The following ZNF287 variants were observed in gnomAD, a reference collection of about 807,000 sequenced individuals.
The protein encoded by ZNF287 is zinc finger protein 287.
ZNF287 carries 31 observed loss-of-function variants against 73.7 expected under a neutral mutation model. That is an observed-to-expected ratio of 0.42 (90% CI 0.32 to 0.57). The LOEUF is 0.57. ZNF287 is among the 20% of genes least tolerant of loss of function. ZNF287 has a pLI of 0.13. For missense variants in ZNF287, 641 were observed against 909.3 expected (o/e 0.70, Z 3.79); for synonymous variants, 301 against 307.2 (o/e 0.98, Z 0.21).
In ZNF287 at chr17:16,552,500, T is replaced by C; in HGVS notation, c.1642A>G (p.Ser548Gly). 1 of 1,614,158 alleles carries C rather than the reference T, an allele frequency of 6.2e-7. No homozygotes were observed. Among genetic ancestry groups the C allele is most frequent in the Non-Finnish European group, 8.5e-7 (1 of 1,180,014 alleles). Residue 548 changes from serine (S) to glycine (G), a missense_variant, in exon 6 of 6, where the codon AGT (serine) becomes GGT (glycine). By Grantham distance (56) the Ser-to-Gly change is moderately conservative. Around this residue, in one of 2 missense-constraint regions of ZNF287, gnomAD observed 284 missense variants for 466.8 expected, o/e 0.61. Transcript: ENST00000395825. This position sits in a 1 kb window ranked among gnomAD's most constrained non-coding sequence, Gnocchi z 6.5. Reference protein sequence around the residue: ...CNECWKVFSQSTYLIRHQRIH... With the variant: ...CNECWKVFSQGTYLIRHQRIH... ...CTCTGATGTCGAATAAGGTAAGTAC[T>C]CTGACTAAACACTTTCCAACATTCA...
intron 5 of ZNF287, among the ~76,000 whole-genome samples, chr17:16,556,884 G>C (rs554657219): frequency 4.0e-4 from 60 of 150,162 alleles, no homozygotes; most frequent in Non-Finnish European, 7.7e-4. Context: ...TTTCGCTTTT[G>C]TTGCCCAGGC....
At chr17:16,561,439 G>A (rs186015358) in intron 5 of ZNF287, among the ~76,000 whole-genome samples, 1 of 152,238 alleles carries the variant, frequency 6.6e-6, no homozygotes, top group African/African-American at 2.4e-5. Context: ...TGACCTCAAA[G>A]TATCACTCCA....
chr17:16,567,063 A>C (rs28375510), intron 2 of ZNF287, among the ~76,000 whole-genome samples: 12,018 of 152,190 alleles, frequency 0.079, 1,617 homozygotes, highest in African/African-American at 0.27. Context: ...TCTGGTCATT[A>C]TTTCAAGACG....
chr17:16,563,952 G>C, intron 3 of ZNF287, 127 bp from the exon 4 acceptor site: 4 of 1,134,496 alleles, frequency 3.5e-6, no homozygotes, highest in Non-Finnish European at 4.8e-6. Flanking sequence ...CCTAGAAGTT[G>C]TCTAGTCAAA....
In ZNF287 at chr17:16,552,291, C is replaced by T. The variant is rs1906725330; in HGVS notation, c.1851G>A (p.Glu617=). The T allele has an allele frequency of 1.2e-6, 2 of 1,613,802 alleles. No homozygotes were observed. Among genetic ancestry groups the T allele is most frequent in the Non-Finnish European group, 1.7e-6 (2 of 1,179,978 alleles). ...LTQHHRTHTG[E]KPYKCSVCGK... ...CACACACACTGCATTTATATGGTTT[C>T]TCTCCAGTATGTGTTCTATGATGTT... Residue 617 remains glutamate (E), a synonymous_variant, in exon 6 of 6, where the codon GAG becomes GAA. Transcript: ENST00000395825. This position sits in a 1 kb window ranked among gnomAD's most constrained non-coding sequence, Gnocchi z 6.5.
chr17:16,551,685 A>C lies in ZNF287; in HGVS notation c.*171T>G. 3.3e-6 allele frequency: 2 copies of C among 602,690 alleles called. No individual in the cohort carries two copies. Among genetic ancestry groups the C allele is most frequent in the Non-Finnish European group, 5.3e-6 (2 of 374,948 alleles). 37.3% of individuals were successfully genotyped at this position (602,690 alleles called of 1,614,324 possible). On this transcript the variant is annotated 3_prime_UTR_variant, in exon 6 of 6. Coordinates refer to ENST00000395825, the MANE Select transcript of ZNF287 (RefSeq NM_020653.4). ...TTAAGAAGTCAAGTTTCCTTCTTAA[A>C]TTTCACATTAAATCTAAATAGGTTA...
At position 16,552,636 on chromosome 17, in the gene ZNF287, A is replaced by G. The variant is rs918168356; in HGVS notation, c.1506T>C (p.His502=). The change falls in exon 6 of 6, where the codon CAT becomes CAC. Residue 502 remains histidine, a synonymous_variant. Transcript: ENST00000395825. This position sits in a 1 kb window ranked among gnomAD's most constrained non-coding sequence, Gnocchi z 6.5. ...SSSLINHQRV[H]TGEKPYICNE... ...TGCATATATAAGGTTTTTCTCCAGT[A>G]TGAACTCTCTGATGATTAATCAGTG... The G allele has an allele frequency of 1.2e-6, 2 of 1,614,146 alleles. No individual in the cohort carries two copies. Among genetic ancestry groups the G allele is most frequent in the Non-Finnish European group, 1.7e-6 (2 of 1,180,012 alleles).
intron 3 of ZNF287, among the ~76,000 whole-genome samples, chr17:16,565,523 C>T (rs764276494): frequency 6.6e-6 from 1 of 151,736 alleles, no homozygotes; most frequent in Non-Finnish European, 1.5e-5. Context: ...ATTAGTGTTT[C>T]TAACACTTTT....
chr17:16,554,458 G>C (rs1395677377), intron 5 of ZNF287, among the ~76,000 whole-genome samples: 2 of 152,122 alleles, frequency 1.3e-5, no homozygotes, highest in Admixed American at 6.5e-5. Context: ...ACAGATATGA[G>C]CCGCCACACC....
chr17:16,563,223 A>C lies in ZNF287; in HGVS notation c.638T>G (p.Val213Gly). The change falls in exon 5 of 6, where the codon GTG becomes GGG. Residue 213 changes from valine to glycine, a missense_variant. By Grantham distance (109) the Val-to-Gly change is moderately radical (BLOSUM62 -3). Transcript: ENST00000395825. ...TATGGGAATCACAGTTGGTCTGTACACTGTAAGTCCTGTTCAGGAGGAATA... is the reference window on the plus strand; with the variant it reads ...TATGGGAATCACAGTTGGTCTGTACCCTGTAAGTCCTGTTCAGGAGGAATA... ...YWNMVSLGLT[V>G]YRPTVIPILE... 1 of 1,610,992 alleles carries C rather than the reference A, an allele frequency of 6.2e-7. No individual in the cohort carries two copies. The highest frequency in any genetic ancestry group is 8.5e-7 in the Non-Finnish European group (1 of 1,178,790).
chr17:16,551,646 A>G lies in ZNF287; in HGVS notation c.*210T>C. 1 of 501,358 alleles carries G rather than the reference A, an allele frequency of 2.0e-6. No homozygotes were observed. Among genetic ancestry groups the G allele is most frequent in the Non-Finnish European group, 3.4e-6 (1 of 291,722 alleles). The allele number at this position is 501,358 out of a possible 1,614,324, so 31.1% of individuals were successfully genotyped here. A position where few individuals can be genotyped will look rare whatever the true frequency, so the allele number is the denominator to read the frequency against. ...TTTCTTTCTGTAATGAATTAAAATCATATCAAATTAAGGTTAAGAAGTCAA... is the reference window on the plus strand; with the variant it reads ...TTTCTTTCTGTAATGAATTAAAATCGTATCAAATTAAGGTTAAGAAGTCAA... On this transcript the variant is annotated 3_prime_UTR_variant, in exon 6 of 6. Coordinates refer to ENST00000395825, the MANE Select transcript of ZNF287 (RefSeq NM_020653.4).
rs1164654393 is a variant in ZNF287, at chr17:16,553,038, G to C, written c.1104C>G (p.Tyr368Ter). ...ATTTTTTCCCACACACATTACACTT[G>C]TAAGGCTTCTCTCCAGGAAGTATTT... is the stretch of plus-strand genomic sequence containing the variant. ...HRKILPGEKP[Y>*]KCNVCGKKFR... The change falls in exon 6 of 6, where the codon TAC becomes TAG. Residue 368 changes from tyrosine (Y) to a stop codon, truncating the protein, a stop_gained. Coordinates refer to ENST00000395825, the MANE Select transcript of ZNF287 (RefSeq NM_020653.4). LOFTEE classifies it high-confidence loss of function. 1 of 1,614,142 alleles carries C rather than the reference G, an allele frequency of 6.2e-7. No homozygotes were observed.
rs1906593032 is a variant in ZNF287 at position 16,550,700 on chromosome 17, A to C, written c.*1156T>G. ...TCAGCACTGTAACAAGCTTGAGAGG[A>C]TCCAATTAGGAAGTTTGGGACCTGA... On this transcript the variant is annotated 3_prime_UTR_variant, in exon 6 of 6. Transcript: ENST00000395825. Among the ~76,000 whole-genome samples the C allele has an allele frequency of 6.6e-6, 1 of 152,190 alleles. No homozygotes were observed. The highest frequency in any genetic ancestry group is 1.5e-5 in the Non-Finnish European group (1 of 68,014).
intron 5 of ZNF287, among the ~76,000 whole-genome samples, chr17:16,556,376 A>G (rs1907071019): frequency 6.6e-6 from 1 of 152,206 alleles, no homozygotes. Context: ...AACAAGCATG[A>G]AAACACATCA....
chr17:16,561,088 G>A (rs188688836), intron 5 of ZNF287, among the ~76,000 whole-genome samples: 335 of 152,142 alleles, frequency 2.2e-3, no homozygotes, highest in African/African-American at 7.8e-3. Context: ...GGCCAAGGCG[G>A]GTGGATCACC....
chr17:16,551,839 G>A lies in ZNF287; in HGVS notation c.*17C>T, dbSNP rs533988277. On this transcript the variant is annotated 3_prime_UTR_variant, in exon 6 of 6. Coordinates refer to ENST00000395825, the MANE Select transcript of ZNF287 (RefSeq NM_020653.4). The stretch of plus-strand genomic sequence containing the variant: ...TGAAACAAAGTTGTAAAACCGAATT[G>A]AAGTTTCCCTTATCCATTAATTACG... 6.4e-7 allele frequency: 1 copy of A among 1,551,274 alleles called. No homozygotes were observed. Among genetic ancestry groups the A allele is most frequent in the African/African-American group, 1.4e-5 (1 of 72,608 alleles).
intron 5 of ZNF287, among the ~76,000 whole-genome samples, chr17:16,555,132 T>C (rs910966782): frequency 2.0e-5 from 3 of 152,126 alleles, no homozygotes; most frequent in East Asian, 1.9e-4. Context: ...GACTTCATCA[T>C]TGTGTGAGCA....
intron 5 of ZNF287, among the ~76,000 whole-genome samples, chr17:16,562,919 G>T (rs1907530771): frequency 6.6e-6 from 1 of 152,172 alleles, no homozygotes; most frequent in African/African-American, 2.4e-5. Flanking sequence ...AGGTCATGTA[G>T]AAGGATAAAA....
In ZNF287 at chr17:16,550,364, C is replaced by G. The variant is rs1906565926; in HGVS notation, c.*1492G>C. ...GAATTCTTTTTTATTTAGCCACTCT[C>G]ATTTCATAGGCAAAGCAAGTCCAAT... is the stretch of plus-strand genomic sequence containing the variant. On this transcript the variant is annotated 3_prime_UTR_variant, in exon 6 of 6. Coordinates refer to ENST00000395825, the MANE Select transcript of ZNF287 (RefSeq NM_020653.4). Among the ~76,000 whole-genome samples, 1 of 152,164 alleles carries G rather than the reference C, an allele frequency of 6.6e-6. No homozygotes were observed. Among genetic ancestry groups the G allele is most frequent in the Non-Finnish European group, 1.5e-5 (1 of 68,018 alleles).
Sources: gnomAD v4.1 joint callset for allele counts (sites outside exome capture counted in the v4.1 genomes callset) on GRCh38, gnomAD v4.1.1 for gene constraint, gnomAD v4.1.1 regional missense constraint, Gnocchi (gnomAD v3.1) non-coding constraint, MANE v1.5 for transcripts, NCBI Gene and HGNC (gene_info 2026-07-23, HGNC 2026-07-21) for gene names.